Variants in CCM2L observed in about 807,000 individuals in gnomAD.
CCM2L encodes cerebral cavernous malformations 2 protein-like.
A neutral mutation model predicts 54.1 loss-of-function variants in CCM2L; 36 were observed. The ratio of observed to expected loss-of-function variants is 0.67; its 90% CI spans 0.51 to 0.88. The LOEUF (loss-of-function observed/expected upper bound fraction) is 0.88, where lower values mean the gene tolerates loss of function less well. CCM2L is among the 40% of genes least tolerant of loss of function. The pLI is 0.00. For missense variants in CCM2L, 700 were observed against 812.1 expected, an observed-to-expected ratio of 0.86 and a Z score of 1.68; for synonymous variants, 351 against 359.3, an observed-to-expected ratio of 0.98 and a Z score of 0.26.
chr20:32,014,817 A>C, intron 1 of CCM2L, 87 bp from the exon 2 acceptor site: 1 of 1,291,612 alleles, frequency 7.7e-7, no homozygotes. Flanking sequence ...TGAGAATTAA[A>C]TTAGGTAATG....
rs764356668 is a variant in CCM2L, at chr20:32,029,739, G to A, written c.1303G>A (p.Ala435Thr). The change falls in exon 9 of 10, where the codon GCG (alanine) becomes ACG (threonine). Residue 435 changes from alanine (A) to threonine (T), a missense_variant. Transcript: ENST00000452892. Reference protein sequence around the residue: ...KLGPLEIQQFAMLLREYRLGL... With the variant: ...KLGPLEIQQFTMLLREYRLGL... ...GGGGCCCCTCGAGATCCAGCAGTTTGCGATGCTGCTGCGGGAGTACCGGCT... is the reference window on the plus strand; with the variant it reads ...GGGGCCCCTCGAGATCCAGCAGTTTACGATGCTGCTGCGGGAGTACCGGCT... The A allele has an allele frequency of 2.5e-6, 4 of 1,613,384 alleles. No individual in the cohort carries two copies. The highest frequency in any genetic ancestry group is 1.3e-5 in the African/African-American group (1 of 74,984).
At position 32,028,984 on chromosome 20, in the gene CCM2L, C is replaced by T. The variant is rs559181280; in HGVS notation, c.1134-11C>T. The T allele has an allele frequency of 1.2e-5, 20 of 1,613,828 alleles. No homozygotes were observed. The highest frequency in any genetic ancestry group is 8.3e-5 in the Admixed American group (5 of 60,010). ...GGAGGCGAGTGAAGGCCCTTCTTCC[C>T]GTGCCTGCAGTAATGGCTCCCAGGA... On this transcript the variant is annotated splice_polypyrimidine_tract_variant and intron_variant, in intron 7 of 9. Transcript: ENST00000452892.
At chr20:32,026,005 C>T in intron 7 of CCM2L, 86 bp downstream of exon 7, 3 of 1,046,846 alleles carry the variant, frequency 2.9e-6, no homozygotes, top group Non-Finnish European at 1.3e-6. Context: ...AGAAGGTGAC[C>T]CAACCTTGAT....
chr20:32,020,205 C>T (rs1409734475), intron 5 of CCM2L, among the ~76,000 whole-genome samples: 1 of 152,192 alleles, frequency 6.6e-6, no homozygotes. Context: ...CTTGGACCAC[C>T]AGATCCCTCC....
intron 5 of CCM2L, among the ~76,000 whole-genome samples, chr20:32,021,509 T>A (rs2064807018): frequency 6.6e-6 from 1 of 151,840 alleles, no homozygotes. Context: ...TACAAAAAAT[T>A]ATCTGGGCGT....
Position 32,015,000 on chromosome 20 carries a change from C to T in CCM2L, c.127C>T (p.Pro43Ser). 6.3e-7 allele frequency: 1 copy of T among 1,576,618 alleles called. No individual in the cohort carries two copies. The highest frequency in any genetic ancestry group is 8.6e-7 in the Non-Finnish European group (1 of 1,163,900). ...SVSRRPLHSM[P>S]LYPPDYLIDP... is the part of the protein sequence containing the mutation. The stretch of plus-strand genomic sequence containing the variant: ...GAGCCGCCGGCCCCTGCACTCGATG[C>T]CCCTTTATCCCCCCGACTACCTCAT... The change falls in exon 2 of 10, where the codon CCC (proline) becomes TCC (serine). Residue 43 changes from proline (P) to serine (S), a missense_variant. Coordinates refer to ENST00000452892, the MANE Select transcript of CCM2L (RefSeq NM_001365692.1).
In CCM2L at chr20:32,016,417, C is replaced by T. The variant is rs533868439; in HGVS notation, c.198+1346C>T. On this transcript the variant is annotated intron_variant, in intron 2 of 9. Coordinates refer to ENST00000452892, the MANE Select transcript of CCM2L (RefSeq NM_001365692.1). ...ATCCCAGCACTTTAGGAGGCCGAGG[C>T]GGGTGAATCACGAGATCAGGAGTTC... Among the ~76,000 whole-genome samples, 192 of 151,972 alleles carry T rather than the reference C, an allele frequency of 1.3e-3. 5 individuals carry two copies. Among genetic ancestry groups the T allele is most frequent in the South Asian group, 3.1e-3 (15 of 4,808 alleles).
At position 32,031,099 on chromosome 20, in the gene CCM2L, G is replaced by A. The variant is rs1017649503; in HGVS notation, c.1501G>A (p.Gly501Ser). ...GGGCGGCATCCTCACTGACAGCTTC[G>A]GCCGCATCAAGCGCAGCATGAGCTC... ...REGGILTDSF[G>S]RIKRSMSSTS... Residue 501 changes from glycine to serine, a missense_variant, in exon 10 of 10, where the codon GGC (glycine) becomes AGC (serine). By Grantham distance (56) the Gly-to-Ser change is moderately conservative. Transcript: ENST00000452892. 4 of 1,304,102 alleles carry A rather than the reference G, an allele frequency of 3.1e-6. No homozygotes were observed. The highest frequency in any genetic ancestry group is 3.0e-5 in the African/African-American group (2 of 65,878). 80.8% of individuals were successfully genotyped at this position (1,304,102 alleles called of 1,614,324 possible).
rs1218665074 is a variant in CCM2L, at chr20:32,010,469, C to T, written c.15C>T (p.Val5=). 4 of 1,396,472 alleles carry T rather than the reference C, an allele frequency of 2.9e-6. No homozygotes were observed. Among genetic ancestry groups the T allele is most frequent in the Non-Finnish European group, 3.8e-6 (4 of 1,058,200 alleles). 86.5% of individuals were successfully genotyped at this position (1,396,472 alleles called of 1,614,324 possible). A position where few individuals can be genotyped will look rare whatever the true frequency, so the allele number is the denominator to read the frequency against. The change falls in exon 1 of 10, where the codon GTC becomes GTT. Residue 5 remains valine, a synonymous_variant. Coordinates refer to ENST00000452892, the MANE Select transcript of CCM2L (RefSeq NM_001365692.1). The part of the protein sequence containing the change: MEYE[V]KKGKKGFVSP... ...GACATTTCACCATGGAATATGAAGTCAAGAAAGGGAAGAAGGTAGGTGGGA... is the reference window on the plus strand; with the variant it reads ...GACATTTCACCATGGAATATGAAGTTAAGAAAGGGAAGAAGGTAGGTGGGA...
chr20:32,019,228 A>C lies in CCM2L; in HGVS notation c.752A>C (p.His251Pro). The change falls in exon 5 of 10, where the codon CAC becomes CCC. Residue 251 changes from histidine (H) to proline (P), a missense_variant. His to Pro is a moderately conservative substitution (Grantham distance 77). Coordinates refer to ENST00000452892, the MANE Select transcript of CCM2L (RefSeq NM_001365692.1). ...QTFSGSWERR[H>P]GGGGGGGGAG... Reference sequence around the variant, plus strand: ...TTCAGCGGCAGCTGGGAGCGGCGGCACGGAGGCGGCGGCGGCGGCGGCGGC... The same window carrying C: ...TTCAGCGGCAGCTGGGAGCGGCGGCCCGGAGGCGGCGGCGGCGGCGGCGGC... The C allele has an allele frequency of 8.7e-7, 1 of 1,155,406 alleles. No homozygotes were observed. Among genetic ancestry groups the C allele is most frequent in the Non-Finnish European group, 1.1e-6 (1 of 925,880 alleles). 71.6% of individuals were successfully genotyped at this position (1,155,406 alleles called of 1,614,324 possible).
chr20:32,018,309 GA>G, intron 4 of CCM2L, 147 bp downstream of exon 4: 3 of 656,704 alleles, frequency 4.6e-6, no homozygotes, highest in Non-Finnish European at 7.2e-6. Flanking sequence ...AGAGGAGATG[GA>G]AAAGGTCTGA....
chr20:32,019,470 CACCTTGCCCCCGCCCCA>C, intron 5 of CCM2L, 61 bp downstream of exon 5: 1 of 1,219,378 alleles, frequency 8.2e-7, no homozygotes, highest in South Asian at 1.6e-5. Flanking sequence ...TCCCCGCCCC[CACCTTGCCCCCGCCCCA>C]CCCACCAGGT....
intron 7 of CCM2L, among the ~76,000 whole-genome samples, chr20:32,027,122 C>T (rs887672709): frequency 1.3e-5 from 2 of 152,206 alleles, no homozygotes; most frequent in Non-Finnish European, 2.9e-5. Flanking sequence ...CCAGTTTGCT[C>T]AGGAATGAGG....
chr20:32,021,638 C>G (rs922835983), intron 5 of CCM2L, among the ~76,000 whole-genome samples: 2 of 151,818 alleles, frequency 1.3e-5, no homozygotes, highest in Non-Finnish European at 2.9e-5. Flanking sequence ...GAGTGTGACT[C>G]TATCTCAAAA....
chr20:32,027,575 A>G (rs894063226), intron 7 of CCM2L, among the ~76,000 whole-genome samples: 1 of 152,242 alleles, frequency 6.6e-6, no homozygotes, highest in Non-Finnish European at 1.5e-5. Flanking sequence ...ATTGAGAAAT[A>G]GAGAAATTAA....
chr20:32,015,113 G>A (rs779883086), intron 2 of CCM2L, 42 bp downstream of exon 2: 1 of 1,446,514 alleles, frequency 6.9e-7, no homozygotes, highest in Admixed American at 2.8e-5. Flanking sequence ...CTTGGGGTGA[G>A]GAGACCTTCA....
At chr20:32,027,337 C>T (rs1372881022) in intron 7 of CCM2L, among the ~76,000 whole-genome samples, 1 of 152,212 alleles carries the variant, frequency 6.6e-6, no homozygotes, top group Non-Finnish European at 1.5e-5. Context: ...TTTAAACAAC[C>T]AGATATCTAC....
intron 9 of CCM2L, 126 bp downstream of exon 9, chr20:32,029,964 A>G: frequency 1.6e-6 from 2 of 1,216,630 alleles, no homozygotes; most frequent in Non-Finnish European, 1.1e-6. Flanking sequence ...CCAGATCATG[A>G]GATTCACAGG....
Position 32,015,859 on chromosome 20 carries a change from C to CTTTTTTTTTTTTTTTTT in CCM2L, c.198+803_198+804insTTTTTTTTTTTTTTTTT, listed in dbSNP as rs199989562. On this transcript the variant is annotated intron_variant, in intron 2 of 9. Transcript: ENST00000452892. ...CTTCCACCACTTAGGAGCTGTACTT[C>CTTTTTTTTTTTTTTTTT]TTTTTTTTTTTTTTTGAGACAGAGT... Among the ~76,000 whole-genome samples the CTTTTTTTTTTTTTTTTT allele has an allele frequency of 8.4e-4, 108 of 127,856 alleles. 4 individuals are homozygous for CTTTTTTTTTTTTTTTTT. The highest frequency in any genetic ancestry group is 1.2e-3 in the African/African-American group (36 of 31,112). 83.9% of individuals were successfully genotyped at this position (127,856 alleles called of 152,430 possible).
Sources: gnomAD v4.1 joint callset for allele counts (sites outside exome capture counted in the v4.1 genomes callset) on GRCh38, gnomAD v4.1.1 for gene constraint, MANE v1.5 for transcripts, NCBI Gene and HGNC (gene_info 2026-07-23, HGNC 2026-07-21) for gene names.